The following GABPA variants were observed in gnomAD, a reference collection of about 807,000 sequenced individuals.
GABPA encodes the protein GA binding protein transcription factor subunit alpha.
A neutral mutation model predicts 59.4 loss-of-function variants in GABPA; 4 were observed. The observed-to-expected ratio is 0.07, with a 90% CI of 0.03 to 0.15. The LOEUF is 0.15. GABPA is among the 10% of genes least tolerant of loss of function. GABPA has a pLI of 1.00. For synonymous variants in GABPA, 164 were observed against 183.1 expected (o/e 0.90, Z 0.84); for missense variants, 251 against 543.8 (o/e 0.46, Z 5.36).
At chr21:25,750,159 C>T (rs201544674) in intron 4 of GABPA, among the ~76,000 whole-genome samples, 5 of 152,314 alleles carry the variant, frequency 3.3e-5, no homozygotes, top group African/African-American at 1.2e-4. Flanking sequence ...CTAGATACCT[C>T]GCATGTGCAG....
At chr21:25,763,545 G>T (rs1373432901) in intron 7 of GABPA, among the ~76,000 whole-genome samples, 1 of 152,012 alleles carries the variant, frequency 6.6e-6, no homozygotes, top group Non-Finnish European at 1.5e-5. Context: ...ATTACTGTCT[G>T]CATATTTTAT....
intron 6 of GABPA, among the ~76,000 whole-genome samples, chr21:25,761,999 T>A (rs1035126613): frequency 3.9e-5 from 6 of 152,204 alleles, no homozygotes; most frequent in Non-Finnish European, 8.8e-5. Context: ...ATTTCCATAT[T>A]TTTACATGGC....
chr21:25,735,890 T>G (rs2035037901), intron 1 of GABPA, among the ~76,000 whole-genome samples: 1 of 152,122 alleles, frequency 6.6e-6, no homozygotes, highest in African/African-American at 2.4e-5. Flanking sequence ...CGTCCCCTCC[T>G]CGCCCGTCCG....
At chr21:25,745,007 T>G (rs1000840282) in intron 2 of GABPA, among the ~76,000 whole-genome samples, 27 of 152,246 alleles carry the variant, frequency 1.8e-4, no homozygotes, top group African/African-American at 6.5e-4. Context: ...TGCTTTAAAT[T>G]TCAAGCTTAG....
At chr21:25,740,647 G>A (rs2035196275) in intron 1 of GABPA, among the ~76,000 whole-genome samples, 1 of 152,068 alleles carries the variant, frequency 6.6e-6, no homozygotes, top group Non-Finnish European at 1.5e-5. Flanking sequence ...AATTTTACAT[G>A]GGATAATTAA....
rs779595729 is a variant in GABPA, at chr21:25,770,267, C to G, written c.*1035C>G. ...GTTATAGGCAGTCTTCTCTTTAAGACAATACTTTTCCACTTGTTTTCCTTT... is the reference window on the plus strand; with the variant it reads ...GTTATAGGCAGTCTTCTCTTTAAGAGAATACTTTTCCACTTGTTTTCCTTT... On this transcript the variant is annotated 3_prime_UTR_variant, in exon 10 of 10. Coordinates refer to ENST00000400075, the MANE Select transcript of GABPA (RefSeq NM_002040.4). 4 of 152,086 alleles carry G rather than the reference C, an allele frequency of 2.6e-5. No homozygotes were observed. Among genetic ancestry groups the G allele is most frequent in the Non-Finnish European group, 5.9e-5 (4 of 67,964 alleles). 9.4% of individuals were successfully genotyped at this position (152,086 alleles called of 1,614,324 possible). A position where few individuals can be genotyped will look rare whatever the true frequency, so the allele number is the denominator to read the frequency against.
At position 25,752,266 on chromosome 21, in the gene GABPA, A is replaced by G. The variant is rs377265744; in HGVS notation, c.553+32A>G. The G allele has an allele frequency of 1.2e-5, 19 of 1,602,468 alleles. No individual in the cohort carries two copies. In the Admixed American group the frequency reaches 2.4e-4, roughly 20 times the overall value. On this transcript the variant is annotated intron_variant, in intron 5 of 9. Transcript: ENST00000400075. ...AAATGCATAATTCTATATTGGGTAGAATAATAGGAATTAAGCTTGACATAG... is the reference window on the plus strand; with the variant it reads ...AAATGCATAATTCTATATTGGGTAGGATAATAGGAATTAAGCTTGACATAG...
rs555979030 is a variant in GABPA at position 25,747,997 on chromosome 21, A to T, written c.223-1039A>T. Among the ~76,000 whole-genome samples, 4 of 152,090 alleles carry T rather than the reference A, an allele frequency of 2.6e-5. No individual in the cohort carries two copies. In the South Asian group the frequency reaches 8.3e-4, roughly 32 times the overall value. Reference sequence around the variant, plus strand: ...GTGGCGCTCACTGCAACGTCCGCCTACCGGGTCTAAGCAATTTTCATGCCT... The same window carrying T: ...GTGGCGCTCACTGCAACGTCCGCCTTCCGGGTCTAAGCAATTTTCATGCCT... On this transcript the variant is annotated intron_variant, in intron 3 of 9. Coordinates refer to ENST00000400075, the MANE Select transcript of GABPA (RefSeq NM_002040.4).
At chr21:25,739,963 T>C (rs59288687) in intron 1 of GABPA, among the ~76,000 whole-genome samples, 18,814 of 152,198 alleles carry the variant, frequency 0.12, 1,298 homozygotes, top group East Asian at 0.3. Flanking sequence ...TTGTATTGAC[T>C]GAGAATAGAC....
At chr21:25,739,063 C>T (rs1346741406) in intron 1 of GABPA, among the ~76,000 whole-genome samples, 4 of 152,224 alleles carry the variant, frequency 2.6e-5, no homozygotes, top group African/African-American at 9.6e-5. Flanking sequence ...ACGGAGCCTG[C>T]GCAGTCTGCT....
At chr21:25,736,025 T>C (rs1049142409) in intron 1 of GABPA, among the ~76,000 whole-genome samples, 5 of 152,184 alleles carry the variant, frequency 3.3e-5, no homozygotes, top group African/African-American at 9.7e-5. Context: ...AAATCCGCTC[T>C]CTTTATAGAA....
intron 6 of GABPA, among the ~76,000 whole-genome samples, chr21:25,759,411 AG>A (rs1352311880): frequency 6.6e-6 from 1 of 152,114 alleles, no homozygotes; most frequent in Non-Finnish European, 1.5e-5. Flanking sequence ...TTTTCATTCA[AG>A]GTGCTTTCTC....
intron 9 of GABPA, among the ~76,000 whole-genome samples, chr21:25,767,433 T>C (rs2146104902): frequency 1.3e-5 from 2 of 152,108 alleles, no homozygotes; most frequent in South Asian, 4.1e-4. Context: ...TCTTTCATTT[T>C]AGGGAGGCAA....
intron 4 of GABPA, among the ~76,000 whole-genome samples, chr21:25,749,992 C>G (rs560344298): frequency 6.6e-6 from 1 of 152,308 alleles, no homozygotes; most frequent in East Asian, 1.9e-4. Context: ...ATTATTACTA[C>G]ATTGTAGTGT....
chr21:25,763,935 A>AAT (rs2035825346), intron 7 of GABPA, among the ~76,000 whole-genome samples: 1 of 151,792 alleles, frequency 6.6e-6, no homozygotes, highest in Non-Finnish European at 1.5e-5. Context: ...ATGTTTAAAT[A>AAT]CTCTTTGTCT....
chr21:25,768,153 T>C lies in GABPA; in HGVS notation c.1137-851T>C, dbSNP rs68037848. On this transcript the variant is annotated intron_variant, in intron 9 of 9. Coordinates refer to ENST00000400075, the MANE Select transcript of GABPA (RefSeq NM_002040.4). ...CAAAGGAAACATAAATCCAGCTCCA[T>C]TTGCATCTCTATAGAATGCAGCAGT... 8.2e-3 allele frequency among the ~76,000 whole-genome samples: 1,250 copies of C among 152,100 alleles called. 19 individuals are homozygous for C. Among genetic ancestry groups the C allele is most frequent in the African/African-American group, 0.029 (1,205 of 41,490 alleles).
At position 25,751,051 on chromosome 21, in the gene GABPA, T is replaced by A. The variant is rs572541051; in HGVS notation, c.308-938T>A. Among the ~76,000 whole-genome samples, 3 of 152,240 alleles carry A rather than the reference T, an allele frequency of 2.0e-5. No homozygotes were observed. In the South Asian group the frequency reaches 6.2e-4, roughly 32 times the overall value. On this transcript the variant is annotated intron_variant, in intron 4 of 9. Transcript: ENST00000400075. ...GATTGAATTTTGATATAGATTGTAA[T>A]AGATTCAGTAAGAAACAGAAGCAGT... is the stretch of plus-strand genomic sequence containing the variant.
chr21:25,759,571 T>G (rs758087885), intron 6 of GABPA, among the ~76,000 whole-genome samples: 1 of 152,132 alleles, frequency 6.6e-6, no homozygotes, highest in Admixed American at 6.6e-5. Context: ...TTGTTTATAA[T>G]TTTATTCTTG....
intron 3 of GABPA, among the ~76,000 whole-genome samples, chr21:25,747,894 CA>C (rs1268417921): frequency 1.3e-5 from 2 of 152,098 alleles, no homozygotes; most frequent in South Asian, 4.2e-4. Flanking sequence ...TATCTGTCTA[CA>C]AGGTTACAAG....
Sources: allele counts gnomAD v4.1 joint callset (sites outside exome capture counted in the v4.1 genomes callset), GRCh38; gene constraint gnomAD v4.1.1; transcripts MANE v1.5; gene names NCBI Gene and HGNC (gene_info 2026-07-23, HGNC 2026-07-21).